PTPN22: variants seen among roughly 807,000 people sequenced by gnomAD.
PTPN22 encodes the protein protein tyrosine phosphatase non-receptor type 22, also known as tyrosine-protein phosphatase non-receptor type 22.
Under a neutral mutation model 103.3 loss-of-function variants are expected in PTPN22, and 85 were observed. That is an observed-to-expected ratio of 0.82 (90% CI 0.69 to 0.99). The LOEUF is 0.99. PTPN22 is among the 50% of genes least tolerant of loss of function. The pLI is 0.00. For missense variants in PTPN22, 865 were observed against 936.9 expected, an observed-to-expected ratio of 0.92 and a Z score of 1.00; for synonymous variants, 323 against 310.2, an observed-to-expected ratio of 1.04 and a Z score of -0.43.
chr1:113,859,519 T>C (rs749232446), intron 1 of PTPN22, 59 bp from the exon 2 acceptor site: 3 of 1,355,686 alleles, frequency 2.2e-6, no homozygotes, highest in Non-Finnish European at 3.1e-6. Context: ...AGAAGCTATC[T>C]CTAAAGAGCT....
chr1:113,864,234 G>T (rs1423233108), intron 1 of PTPN22: 2 of 453,820 alleles, frequency 4.4e-6, no homozygotes, highest in South Asian at 1.6e-5. Context: ...GGTCCAGAAA[G>T]CTTTCTCTGG....
intron 19 of PTPN22, among the ~76,000 whole-genome samples, chr1:113,824,403 A>G (rs1481288100): frequency 1.3e-5 from 2 of 152,016 alleles, no homozygotes; most frequent in Non-Finnish European, 2.9e-5. Flanking sequence ...CCCGGCCATC[A>G]CCATGGTTTT....
intron 10 of PTPN22, among the ~76,000 whole-genome samples, chr1:113,850,338 G>C (rs1042405772): frequency 1.3e-5 from 2 of 152,134 alleles, no homozygotes; most frequent in Non-Finnish European, 2.9e-5. Flanking sequence ...CCATTTCCTG[G>C]TTACAGTAGT....
exon 3 of PTPN22, chr1:113,859,016 C>T (rs776285723): frequency 6.2e-7 from 1 of 1,613,702 alleles, no homozygotes. Context: ...ATGAAGTTGG[C>T]ATTGATGTAG....
Position 113,855,060 on chromosome 1 carries a change from T to C in PTPN22, c.541-11A>G. 1 of 1,603,704 alleles carries C rather than the reference T, an allele frequency of 6.2e-7. No homozygotes were observed. Among genetic ancestry groups the C allele is most frequent in the Non-Finnish European group, 8.5e-7 (1 of 1,171,046 alleles). Reference sequence around the variant, plus strand: ...GATAGTTCGAGTTTCCTATAAAAAGTAGCCAGATGGGAGGGGAAGAGGGGC... The same window carrying C: ...GATAGTTCGAGTTTCCTATAAAAAGCAGCCAGATGGGAGGGGAAGAGGGGC... On this transcript the variant is annotated splice_polypyrimidine_tract_variant and intron_variant, in intron 7 of 20. Coordinates refer to ENST00000359785, the Ensembl canonical transcript of PTPN22.
At chr1:113,832,962 C>A in intron 16 of PTPN22, 149 bp downstream of exon 16, 2 of 745,408 alleles carry the variant, frequency 2.7e-6, no homozygotes, top group Non-Finnish European at 4.3e-6. Flanking sequence ...TACAAAATTT[C>A]TAGTCTGGGA....
At chr1:113,842,972 C>T (rs538939328) in intron 11 of PTPN22, among the ~76,000 whole-genome samples, 3,839 of 144,270 alleles carry the variant, frequency 0.027, 69 homozygotes, top group Non-Finnish European at 0.041. Flanking sequence ...TAGTGGCGGG[C>T]GCCTGTAGTC....
In PTPN22 at chr1:113,834,901, T is replaced by C; in HGVS notation, c.1894+9A>G. On this transcript the variant is annotated intron_variant, in intron 14 of 20. Transcript: ENST00000359785. Reference sequence around the variant, plus strand: ...ACACTTTATTTTATACTTACTGAACTGTACTCACCAGCTTCCTCAACCACA... The same window carrying C: ...ACACTTTATTTTATACTTACTGAACCGTACTCACCAGCTTCCTCAACCACA... 1 of 1,541,578 alleles carries C rather than the reference T, an allele frequency of 6.5e-7. No homozygotes were observed. The highest frequency in any genetic ancestry group is 8.8e-7 in the Non-Finnish European group (1 of 1,135,054).
intron 16 of PTPN22, among the ~76,000 whole-genome samples, chr1:113,832,082 G>A (rs1662598158): frequency 6.6e-6 from 1 of 152,270 alleles, no homozygotes; most frequent in East Asian, 1.9e-4. Flanking sequence ...AAAAATAGAA[G>A]GAGAAAGTAT....
exon 13 of PTPN22, chr1:113,838,225 T>A: frequency 6.2e-7 from 1 of 1,614,144 alleles, no homozygotes; most frequent in Non-Finnish European, 8.5e-7. Flanking sequence ...CATGGTTGTG[T>A]CAGCATTTTT....
At chr1:113,848,578 G>C (rs1023289021) in exon 11 of PTPN22, 2 of 1,613,428 alleles carry the variant, frequency 1.2e-6, no homozygotes, top group Non-Finnish European at 1.7e-6. Context: ...ACATCCATCT[G>C]TCTCTTAAAT....
chr1:113,834,269 A>G, intron 15 of PTPN22, 40 bp downstream of exon 15: 1 of 1,588,986 alleles, frequency 6.3e-7, no homozygotes, highest in Non-Finnish European at 8.6e-7. Context: ...ACTGTAGTCT[A>G]TTGAATCTAA....
At chr1:113,853,008 G>A (rs894135970) in intron 9 of PTPN22, among the ~76,000 whole-genome samples, 9 of 152,112 alleles carry the variant, frequency 5.9e-5, no homozygotes, top group Admixed American at 4.6e-4. Flanking sequence ...GCGCGATCTC[G>A]GCTCACTGCA....
At chr1:113,865,959 T>C (rs1468911824) in intron 1 of PTPN22, among the ~76,000 whole-genome samples, 1 of 152,176 alleles carries the variant, frequency 6.6e-6, no homozygotes, top group Non-Finnish European at 1.5e-5. Context: ...CAAACCAAGA[T>C]TTATATGACT....
At chr1:113,851,646 C>T (rs555274854) in intron 10 of PTPN22, among the ~76,000 whole-genome samples, 10 of 152,146 alleles carry the variant, frequency 6.6e-5, no homozygotes, top group African/African-American at 2.4e-4. Context: ...ATTACAAATC[C>T]CTGATTTTCT....
At chr1:113,845,489 C>G (rs1178472561) in intron 11 of PTPN22, among the ~76,000 whole-genome samples, 1 of 151,996 alleles carries the variant, frequency 6.6e-6, no homozygotes, top group Non-Finnish European at 1.5e-5. Context: ...AGGTGTGAGC[C>G]ACTGCTCCCA....
chr1:113,822,121 G>T (rs990293802), intron 19 of PTPN22, among the ~76,000 whole-genome samples: 1 of 152,158 alleles, frequency 6.6e-6, no homozygotes, highest in Admixed American at 6.5e-5. Context: ...GAGAATTTAG[G>T]TTCTGATTAC....
intron 13 of PTPN22, among the ~76,000 whole-genome samples, chr1:113,835,422 G>A (rs756009769): frequency 7.9e-5 from 12 of 152,162 alleles, no homozygotes; most frequent in Non-Finnish European, 1.3e-4. Flanking sequence ...GGAGGCTGAG[G>A]TGGGAGAATG....
intron 19 of PTPN22, among the ~76,000 whole-genome samples, chr1:113,820,866 T>G (rs1340431757): frequency 1.3e-5 from 2 of 152,084 alleles, no homozygotes; most frequent in Admixed American, 1.3e-4. Context: ...AACACCTTCC[T>G]TTTCGAGGAG....
Sources: allele counts gnomAD v4.1 joint callset (sites outside exome capture counted in the v4.1 genomes callset), GRCh38; gene constraint gnomAD v4.1.1; transcripts MANE v1.5; gene names NCBI Gene and HGNC (gene_info 2026-07-23, HGNC 2026-07-21).